ERGIC1: variants seen among roughly 807,000 people sequenced by gnomAD.
The protein encoded by ERGIC1 is endoplasmic reticulum-golgi intermediate compartment 1.
Under a neutral mutation model 38.3 loss-of-function variants are expected in ERGIC1, and 19 were observed. That is an observed-to-expected ratio of 0.50 (90% confidence interval 0.35 to 0.73). The LOEUF (loss-of-function observed/expected upper bound fraction) is 0.73. Ranked by LOEUF, ERGIC1 falls within the 30% of genes least tolerant of loss-of-function variation. ERGIC1 has a pLI of 0.01. For synonymous variants in ERGIC1, 124 were observed against 157.6 expected, an observed-to-expected ratio of 0.79 and a Z score of 1.60; for missense variants, 294 against 389.2, an observed-to-expected ratio of 0.76 and a Z score of 2.06.
chr5:172,859,857 C>T (rs1276462939), intron 1 of ERGIC1, among the ~76,000 whole-genome samples: 2 of 152,244 alleles, frequency 1.3e-5, no homozygotes, highest in Admixed American at 6.5e-5. Flanking sequence ...CCAAACTCCA[C>T]AGTCAGTACT....
intron 1 of ERGIC1, among the ~76,000 whole-genome samples, chr5:172,862,424 C>A (rs1486773929): frequency 6.7e-6 from 1 of 149,652 alleles, no homozygotes; most frequent in Non-Finnish European, 1.5e-5. Context: ...CACAAATGGG[C>A]ATGTGTTTAT....
intron 5 of ERGIC1, among the ~76,000 whole-genome samples, chr5:172,921,000 C>T (rs1763499567): frequency 6.6e-6 from 1 of 152,232 alleles, no homozygotes; most frequent in Admixed American, 6.5e-5. Context: ...TTTCCTCACG[C>T]CCTGCCTGTG....
intron 9 of ERGIC1, chr5:172,935,550 A>G (rs906315651): frequency 4.2e-6 from 2 of 481,164 alleles, no homozygotes; most frequent in African/African-American, 3.8e-5. Flanking sequence ...ATGCCCTGAA[A>G]TCCATTTAAT....
At chr5:172,871,727 C>A (rs770813624) in intron 1 of ERGIC1, among the ~76,000 whole-genome samples, 45 of 152,164 alleles carry the variant, frequency 3.0e-4, no homozygotes, top group Non-Finnish European at 5.3e-4. Context: ...GCTGGAATAG[C>A]AGTGGTCTTT....
chr5:172,901,895 C>T (rs1038731551), intron 3 of ERGIC1, among the ~76,000 whole-genome samples: 2 of 152,184 alleles, frequency 1.3e-5, no homozygotes, highest in South Asian at 4.1e-4. Context: ...AGGCTGCCCC[C>T]GGCAGGTCAG....
chr5:172,944,942 G>A (rs890835688), intron 9 of ERGIC1, among the ~76,000 whole-genome samples: 2 of 152,206 alleles, frequency 1.3e-5, no homozygotes, highest in Non-Finnish European at 1.5e-5. Flanking sequence ...CTTTGCCGCT[G>A]CCTTGGGTGT....
chr5:172,859,295 T>C (rs1429700544), intron 1 of ERGIC1, among the ~76,000 whole-genome samples: 1 of 152,096 alleles, frequency 6.6e-6, no homozygotes, highest in Non-Finnish European at 1.5e-5. Context: ...ACTTTGCTTC[T>C]AGGCCCAGCC....
At position 172,908,469 on chromosome 5, in the gene ERGIC1, G is replaced by A. The variant is rs749614670; in HGVS notation, c.156-1198G>A. 1.1e-4 allele frequency among the ~76,000 whole-genome samples: 17 copies of A among 151,836 alleles called. 1 individual carries two copies. Among genetic ancestry groups the A allele is most frequent in the South Asian group, 6.3e-4 (3 of 4,780 alleles). On this transcript the variant is annotated intron_variant, in intron 3 of 9. Coordinates refer to ENST00000393784, the MANE Select transcript of ERGIC1 (RefSeq NM_001031711.3). ...CACGCACCTGTAGTCACAGCTACTC[G>A]GGAGGCTGAGGCAGAATAATTGCTT...
intron 1 of ERGIC1, among the ~76,000 whole-genome samples, chr5:172,856,819 A>G (rs968430996): frequency 6.6e-6 from 1 of 152,272 alleles, no homozygotes; most frequent in South Asian, 2.1e-4. Context: ...CTGAGAATGG[A>G]TTGTAGCCTT....
chr5:172,915,099 C>T (rs1347830095), intron 5 of ERGIC1: 1 of 706,290 alleles, frequency 1.4e-6, no homozygotes, highest in East Asian at 2.7e-5. Context: ...GATGAGAAGA[C>T]CTGAGGATTT....
At position 172,837,895 on chromosome 5, in the gene ERGIC1, C is replaced by T. The variant is rs577213315; in HGVS notation, c.20+3462C>T. 2.8e-3 allele frequency among the ~76,000 whole-genome samples: 431 copies of T among 152,340 alleles called. 3 individuals are homozygous for T. Among genetic ancestry groups the T allele is most frequent in the Admixed American group, 9.3e-3 (143 of 15,306 alleles). On this transcript the variant is annotated intron_variant, in intron 1 of 9. Transcript: ENST00000393784. The surrounding 1 kb of genome is among the most constrained non-coding windows in gnomAD (Gnocchi z 4.3). Reference sequence around the variant, plus strand: ...AGTAGCACCTGCTGCCTTCTGCACACCAGCCCAGGGTGGGTGAGGAGGGAA... The same window carrying T: ...AGTAGCACCTGCTGCCTTCTGCACATCAGCCCAGGGTGGGTGAGGAGGGAA...
At chr5:172,843,071 G>A (rs762777818) in intron 1 of ERGIC1, among the ~76,000 whole-genome samples, 2 of 152,134 alleles carry the variant, frequency 1.3e-5, no homozygotes, top group African/African-American at 4.8e-5. Flanking sequence ...TTGAACCTCC[G>A]GGAGGCGGAG....
intron 1 of ERGIC1, among the ~76,000 whole-genome samples, chr5:172,863,899 A>G (rs554173234): frequency 2.8e-4 from 42 of 152,268 alleles, no homozygotes; most frequent in East Asian, 7.7e-4. Context: ...TGTACAATAC[A>G]TGAAAACTCA....
intron 8 of ERGIC1, chr5:172,934,142 G>A (rs1389227637): frequency 6.6e-6 from 1 of 152,298 alleles, no homozygotes; most frequent in East Asian, 1.9e-4. Flanking sequence ...ACTCTGCCCT[G>A]GGAGCAGGCA....
At chr5:172,892,068 T>G (rs1762577596) in intron 2 of ERGIC1, among the ~76,000 whole-genome samples, 4 of 148,792 alleles carry the variant, frequency 2.7e-5, no homozygotes, top group African/African-American at 5.0e-5. Context: ...GTATGTTTTT[T>G]TTTTTTTTTT....
chr5:172,893,905 A>ATATGTGTG (rs1173039695), intron 2 of ERGIC1, among the ~76,000 whole-genome samples: 14 of 15,534 alleles, frequency 9.0e-4, no homozygotes, highest in Non-Finnish European at 1.5e-3. Context: ...ATATATATAT[A>ATATGTGTG]TGTGTGTGTG....
intron 2 of ERGIC1, among the ~76,000 whole-genome samples, chr5:172,893,935 G>GTGTGTGTGTATATATATATA (rs1429850022): frequency 2.3e-5 from 1 of 42,836 alleles, no homozygotes; most frequent in Admixed American, 2.7e-4. Flanking sequence ...GTGTGTGTGT[G>GTGTGTGTGTATATATATATA]TATATATATA....
At chr5:172,895,224 G>A (rs905507615) in intron 2 of ERGIC1, among the ~76,000 whole-genome samples, 12 of 152,162 alleles carry the variant, frequency 7.9e-5, no homozygotes, top group African/African-American at 2.9e-4. Flanking sequence ...TGATGCTCAG[G>A]TAATTATTAC....
chr5:172,849,510 G>A (rs150274788), intron 1 of ERGIC1, among the ~76,000 whole-genome samples: 54 of 152,296 alleles, frequency 3.5e-4, no homozygotes, highest in Non-Finnish European at 7.1e-4. Context: ...CGAGTGATGG[G>A]ACTAAGACTT....
Sources: gnomAD v4.1 joint callset for allele counts (sites outside exome capture counted in the v4.1 genomes callset) on GRCh38, gnomAD v4.1.1 for gene constraint, Gnocchi (gnomAD v3.1) non-coding constraint, MANE v1.5 for transcripts, NCBI Gene and HGNC (gene_info 2026-07-23, HGNC 2026-07-21) for gene names.